DLGAP2: variants seen among roughly 807,000 people sequenced by gnomAD.
DLGAP2 encodes the protein disks large-associated protein 2.
Under a neutral mutation model 100.3 loss-of-function variants are expected in DLGAP2, and 26 were observed. The ratio of observed to expected loss-of-function variants is 0.26; its 90% CI spans 0.19 to 0.36. The LOEUF (loss-of-function observed/expected upper bound fraction) is 0.36. DLGAP2 is among the 10% of genes least tolerant of loss of function. DLGAP2 has a pLI of 1.00. For missense variants in DLGAP2, 1,858 were observed against 1,453.2 expected (o/e 1.28, Z -4.53); for synonymous variants, 886 against 630.1 (o/e 1.41, Z -6.08).
At chr8:1,695,782 C>G (rs77798826) in intron 13 of DLGAP2, among the ~76,000 whole-genome samples, 4,950 of 152,344 alleles carry the variant, frequency 0.032, 261 homozygotes, top group African/African-American at 0.11. Flanking sequence ...CTGGCCTGCC[C>G]TGAGGCTGCA....
At chr8:1,206,609 C>T (rs375844440) in intron 2 of DLGAP2, among the ~76,000 whole-genome samples, 4 of 89,654 alleles carry the variant, frequency 4.5e-5, no homozygotes, top group African/African-American at 1.9e-4. Context: ...TCCAGCCATC[C>T]GTGGACTGGG....
intron 1 of DLGAP2, among the ~76,000 whole-genome samples, chr8:835,843 T>C (rs1796863495): frequency 6.6e-6 from 1 of 152,174 alleles, no homozygotes; most frequent in Admixed American, 6.5e-5. Context: ...GCACGTTCTT[T>C]CGTGTGGGTC....
At position 930,580 on chromosome 8, in the gene DLGAP2, C is replaced by A. The variant is rs138307821; in HGVS notation, c.73+22614C>A. 2.7e-3 allele frequency among the ~76,000 whole-genome samples: 406 copies of A among 152,330 alleles called. 2 individuals are homozygous for A. The highest frequency in any genetic ancestry group is 8.4e-3 in the African/African-American group (348 of 41,584). On this transcript the variant is annotated intron_variant, in intron 2 of 14. Transcript: ENST00000637795. Reference sequence around the variant, plus strand: ...TATTCTAGTTAGTGGAGGAAACCTGCAAAGACTACCTGGAGATGCAGAGAG... The same window carrying A: ...TATTCTAGTTAGTGGAGGAAACCTGAAAAGACTACCTGGAGATGCAGAGAG...
intron 2 of DLGAP2, among the ~76,000 whole-genome samples, chr8:1,085,843 G>A (rs1803957883): frequency 6.6e-6 from 1 of 152,120 alleles, no homozygotes; most frequent in African/African-American, 2.4e-5. Context: ...TACTGAATCT[G>A]CACATCCCTT....
chr8:907,811 A>G (rs1223904768), intron 1 of DLGAP2, 101 bp from the exon 2 acceptor site: 1 of 396,376 alleles, frequency 2.5e-6, no homozygotes, highest in African/African-American at 2.1e-5. Flanking sequence ...TTTGTGCAAC[A>G]TTGAACTACC....
At chr8:1,067,625 G>A (rs1803298360) in intron 2 of DLGAP2, among the ~76,000 whole-genome samples, 1 of 151,808 alleles carries the variant, frequency 6.6e-6, no homozygotes. Context: ...GTGTGTGTGT[G>A]TGTGTGTGTG....
intron 3 of DLGAP2, among the ~76,000 whole-genome samples, chr8:1,416,296 G>A (rs1190375166): frequency 3.3e-5 from 5 of 152,136 alleles, no homozygotes; most frequent in African/African-American, 4.8e-5. Context: ...CCGTCACGAC[G>A]GCCATGGAAA....
At chr8:1,294,889 T>A (rs1198567380) in intron 3 of DLGAP2, among the ~76,000 whole-genome samples, 75 of 63,412 alleles carry the variant, frequency 1.2e-3, no homozygotes, top group Non-Finnish European at 2.7e-3. Context: ...AAAACAAAAC[T>A]TTTTTTTTTA....
intron 2 of DLGAP2, among the ~76,000 whole-genome samples, chr8:933,532 C>T (rs1415462347): frequency 3.9e-5 from 5 of 126,862 alleles, no homozygotes; most frequent in African/African-American, 1.5e-4. Flanking sequence ...AGACACCTGG[C>T]CGTGGGCATG....
intron 2 of DLGAP2, among the ~76,000 whole-genome samples, chr8:966,181 C>T (rs769091821): frequency 4.6e-5 from 7 of 152,138 alleles, no homozygotes; most frequent in Non-Finnish European, 1.0e-4. Context: ...ACCAGTGGAG[C>T]CAGTTGTGGG....
intron 2 of DLGAP2, among the ~76,000 whole-genome samples, chr8:1,097,769 T>C (rs11779568): frequency 7.4e-6 from 1 of 135,360 alleles, no homozygotes; most frequent in Non-Finnish European, 1.6e-5. Context: ...TCACCCTTTG[T>C]GGCATGGAGA....
At chr8:753,953 G>A (rs1426076507) in intron 1 of DLGAP2, 1 of 152,234 alleles carries the variant, frequency 6.6e-6, no homozygotes, top group African/African-American at 2.4e-5. Flanking sequence ...GACCCTGGGC[G>A]CGGTGTCAGG....
chr8:1,154,972 A>T (rs1247179667), intron 2 of DLGAP2, among the ~76,000 whole-genome samples: 1 of 152,176 alleles, frequency 6.6e-6, no homozygotes, highest in Non-Finnish European at 1.5e-5. Flanking sequence ...CCAGGACGTG[A>T]ATGGCTACTT....
At chr8:1,456,494 T>G (rs979200689) in intron 3 of DLGAP2, among the ~76,000 whole-genome samples, 2 of 152,206 alleles carry the variant, frequency 1.3e-5, no homozygotes, top group Admixed American at 6.5e-5. Context: ...TGCTGAATCA[T>G]AATCCAAGGA....
chr8:1,043,997 C>T (rs995357700), intron 2 of DLGAP2, among the ~76,000 whole-genome samples: 9 of 152,116 alleles, frequency 5.9e-5, no homozygotes, highest in African/African-American at 2.2e-4. Flanking sequence ...GCCCCCAGGA[C>T]TTCCCAAAGG....
At chr8:1,503,708 G>T (rs1390443987) in intron 4 of DLGAP2, among the ~76,000 whole-genome samples, 2 of 152,180 alleles carry the variant, frequency 1.3e-5, no homozygotes, top group Non-Finnish European at 2.9e-5. Context: ...TAGGGACAGG[G>T]TGTGCTTTGC....
chr8:845,516 T>C (rs1797056703), intron 1 of DLGAP2, among the ~76,000 whole-genome samples: 1 of 152,236 alleles, frequency 6.6e-6, no homozygotes, highest in Non-Finnish European at 1.5e-5. Context: ...AGGTTATTTG[T>C]CTATTATTGG....
intron 3 of DLGAP2, among the ~76,000 whole-genome samples, chr8:1,287,501 T>TGTGTG (rs1799959527): frequency 0.011 from 572 of 52,792 alleles, 62 homozygotes; most frequent in African/African-American, 0.016. Flanking sequence ...TGTGTGGTTC[T>TGTGTG]GTTAGGAGGG....
intron 2 of DLGAP2, among the ~76,000 whole-genome samples, chr8:1,190,217 T>C (rs185561913): frequency 1.3e-5 from 2 of 152,326 alleles, no homozygotes; most frequent in Non-Finnish European, 2.9e-5. Context: ...CTCTTCCAGA[T>C]TCTGGTGGTC....
Sources: gnomAD v4.1 joint callset for allele counts (sites outside exome capture counted in the v4.1 genomes callset) on GRCh38, gnomAD v4.1.1 for gene constraint, MANE v1.5 for transcripts, NCBI Gene and HGNC (gene_info 2026-07-23, HGNC 2026-07-21) for gene names.